NTNG1: variants seen among roughly 807,000 people sequenced by gnomAD.
NTNG1 encodes the protein netrin-G1.
NTNG1 carries 16 observed loss-of-function variants against 54.0 expected under a neutral mutation model. The observed-to-expected ratio is 0.30, with a 90% confidence interval of 0.20 to 0.45. The LOEUF (loss-of-function observed/expected upper bound fraction) is 0.45, where lower values mean the gene tolerates loss of function less well. Among genes scored for constraint, NTNG1 ranks in the 20% least tolerant of loss-of-function variants. NTNG1 has a pLI of 1.00. For missense variants in NTNG1, 530 were observed against 678.7 expected, an observed-to-expected ratio of 0.78 and a Z score of 2.43; for synonymous variants, 255 against 263.1, an observed-to-expected ratio of 0.97 and a Z score of 0.30.
rs543434537 is a variant in NTNG1, at chr1:107,224,024, A to G, written c.246+75185A>G. On this transcript the variant is annotated intron_variant, in intron 2 of 7. Transcript: ENST00000370068. ...AATTGTTTTAAGATATTTTAATTAG[A>G]GCACGAAGTCACAGATTTGATCCCC... Among the ~76,000 whole-genome samples, 323 of 152,308 alleles carry G rather than the reference A, an allele frequency of 2.1e-3. 3 individuals carry two copies. The highest frequency in any genetic ancestry group is 6.8e-3 in the Middle Eastern group (2 of 294).
chr1:107,289,673 CTG>C (rs957843354), intron 2 of NTNG1, among the ~76,000 whole-genome samples: 1 of 152,176 alleles, frequency 6.6e-6, no homozygotes, highest in African/African-American at 2.4e-5. Flanking sequence ...TCCTAAGAGA[CTG>C]TAAATTCCAC....
intron 2 of NTNG1, among the ~76,000 whole-genome samples, chr1:107,236,038 A>G (rs1018498301): frequency 1.3e-5 from 2 of 152,228 alleles, no homozygotes; most frequent in African/African-American, 4.8e-5. Context: ...TACAACATCA[A>G]GGATGCCTAC....
chr1:107,281,954 A>C (rs976168641), intron 2 of NTNG1, among the ~76,000 whole-genome samples: 1 of 152,184 alleles, frequency 6.6e-6, no homozygotes, highest in African/African-American at 2.4e-5. Context: ...TCCTCAGTTC[A>C]CATCTTGAGA....
At chr1:107,233,862 C>T (rs1661224612) in intron 2 of NTNG1, among the ~76,000 whole-genome samples, 2 of 152,224 alleles carry the variant, frequency 1.3e-5, no homozygotes, top group Admixed American at 1.3e-4. Flanking sequence ...AACCACCTTT[C>T]CTATCTCATG....
chr1:107,465,625 A>G (rs1366861285), intron 7 of NTNG1, among the ~76,000 whole-genome samples: 1 of 152,198 alleles, frequency 6.6e-6, no homozygotes, highest in Non-Finnish European at 1.5e-5. Flanking sequence ...CATGAGCAAG[A>G]TCTTAAAGAA....
intron 2 of NTNG1, among the ~76,000 whole-genome samples, chr1:107,292,379 A>AG (rs1410993027): frequency 6.6e-6 from 1 of 152,152 alleles, no homozygotes; most frequent in Non-Finnish European, 1.5e-5. Flanking sequence ...ATGTTACAGT[A>AG]GGTAGCTCGT....
At chr1:107,169,044 A>G (rs537989366) in intron 2 of NTNG1, among the ~76,000 whole-genome samples, 2 of 152,288 alleles carry the variant, frequency 1.3e-5, no homozygotes, top group South Asian at 4.1e-4. Flanking sequence ...ATTTGACTCC[A>G]TAGTCTTTGA....
intron 7 of NTNG1, among the ~76,000 whole-genome samples, chr1:107,472,072 A>G (rs1678015450): frequency 6.6e-6 from 1 of 152,166 alleles, no homozygotes; most frequent in Admixed American, 6.5e-5. Flanking sequence ...GATTTCCCCA[A>G]GTTCACTCAG....
At chr1:107,369,636 T>C (rs1245805155) in intron 3 of NTNG1, among the ~76,000 whole-genome samples, 3 of 152,184 alleles carry the variant, frequency 2.0e-5, no homozygotes, top group Non-Finnish European at 4.4e-5. Flanking sequence ...TTATGTATTC[T>C]GGATGCATAT....
intron 3 of NTNG1, among the ~76,000 whole-genome samples, chr1:107,364,874 T>C (rs1670501997): frequency 6.6e-6 from 1 of 152,200 alleles, no homozygotes; most frequent in Non-Finnish European, 1.5e-5. Context: ...ACATAATTGT[T>C]GATCTACCTT....
At chr1:107,373,541 T>A (rs1671051666) in intron 3 of NTNG1, among the ~76,000 whole-genome samples, 1 of 151,798 alleles carries the variant, frequency 6.6e-6, no homozygotes, top group Admixed American at 6.6e-5. Context: ...CATTCCTTTG[T>A]GTCTAAATGC....
intron 2 of NTNG1, among the ~76,000 whole-genome samples, chr1:107,248,130 T>C (rs184296950): frequency 5.3e-5 from 8 of 152,312 alleles, no homozygotes; most frequent in African/African-American, 1.9e-4. Flanking sequence ...TATACTATTA[T>C]TGTAATAAGG....
At chr1:107,415,211 A>T (rs1001012624) in intron 5 of NTNG1, among the ~76,000 whole-genome samples, 1 of 152,142 alleles carries the variant, frequency 6.6e-6, no homozygotes, top group African/African-American at 2.4e-5. Context: ...GCCATTTACA[A>T]GCATATCGTG....
At chr1:107,288,252 A>G (rs1157281474) in intron 2 of NTNG1, among the ~76,000 whole-genome samples, 3 of 152,200 alleles carry the variant, frequency 2.0e-5, no homozygotes, top group Non-Finnish European at 4.4e-5. Flanking sequence ...GTCTAGGAGG[A>G]TGTTAACTCA....
At chr1:107,188,612 A>G (rs1249423430) in intron 2 of NTNG1, among the ~76,000 whole-genome samples, 1 of 152,134 alleles carries the variant, frequency 6.6e-6, no homozygotes, top group African/African-American at 2.4e-5. Flanking sequence ...CCTGAAGAAA[A>G]CAGCCAGCAC....
chr1:107,295,274 G>A (rs992037137), intron 2 of NTNG1, among the ~76,000 whole-genome samples: 4 of 152,108 alleles, frequency 2.6e-5, no homozygotes, highest in Non-Finnish European at 2.9e-5. Context: ...TGTTTTAAGC[G>A]TCATTACCTA....
Position 107,395,235 on chromosome 1 carries a change from T to C in NTNG1, c.969T>C (p.Gly323=), listed in dbSNP as rs1237294922. ...GCGAATGTGAGCACAACACTACAGGTCCAGACTGTGGGAAATGCAAGAAGA... is the reference window on the plus strand; with the variant it reads ...GCGAATGTGAGCACAACACTACAGGCCCAGACTGTGGGAAATGCAAGAAGA... The part of the protein sequence containing the change: ...LTCECEHNTT[G]PDCGKCKKNY... The change falls in exon 4 of 8, where the codon GGT becomes GGC. Residue 323 remains glycine (G), a synonymous_variant. Transcript: ENST00000370068. The C allele has an allele frequency of 2.5e-6, 4 of 1,613,454 alleles. No individual in the cohort carries two copies. The African/African-American group carries it at 4.0e-5, about 16-fold the overall frequency.
At chr1:107,359,630 C>T (rs760625132) in intron 3 of NTNG1, among the ~76,000 whole-genome samples, 2 of 152,102 alleles carry the variant, frequency 1.3e-5, no homozygotes, top group Non-Finnish European at 2.9e-5. Flanking sequence ...ACCCCCAACA[C>T]ATTTGCATCA....
At chr1:107,231,857 G>T (rs971110025) in intron 2 of NTNG1, among the ~76,000 whole-genome samples, 2 of 151,970 alleles carry the variant, frequency 1.3e-5, no homozygotes, top group Admixed American at 1.3e-4. Context: ...TACAATAGAA[G>T]AAATAGATTT....
Sources: gnomAD v4.1 joint callset for allele counts (sites outside exome capture counted in the v4.1 genomes callset) on GRCh38, gnomAD v4.1.1 for gene constraint, MANE v1.5 for transcripts, NCBI Gene and HGNC (gene_info 2026-07-23, HGNC 2026-07-21) for gene names.